Variants in CEP350 observed in about 807,000 individuals in gnomAD.
The protein encoded by CEP350 is centrosomal protein 350, also known as centrosome-associated protein 350.
In CEP350, 126 loss-of-function variants were observed where a neutral mutation model predicts 331.8. The ratio of observed to expected loss-of-function variants is 0.38; its 90% CI spans 0.33 to 0.44. The LOEUF is 0.44. Among genes scored for constraint, CEP350 ranks in the 20% least tolerant of loss-of-function variants. The pLI is 1.00. For synonymous variants in CEP350, 1,200 were observed against 1,259.5 expected, an observed-to-expected ratio of 0.95 and a Z score of 1.00; for missense variants, 3,406 against 3,634.6, an observed-to-expected ratio of 0.94 and a Z score of 1.62.
intron 30 of CEP350, among the ~76,000 whole-genome samples, chr1:180,081,148 G>A (rs1289538979): frequency 9.9e-5 from 15 of 152,086 alleles, no homozygotes; most frequent in African/African-American, 2.9e-4. Flanking sequence ...GATTACAGGC[G>A]TGAGCCACTG....
intron 25 of CEP350, among the ~76,000 whole-genome samples, chr1:180,056,024 G>A (rs547242693): frequency 3.0e-4 from 45 of 151,830 alleles, no homozygotes; most frequent in African/African-American, 1.0e-3. Context: ...CATTCTGTGG[G>A]GTTTCTTTTC....
chr1:179,997,197 C>G (rs766119851), intron 6 of CEP350, 22 bp downstream of exon 6: 1 of 1,584,646 alleles, frequency 6.3e-7, no homozygotes, highest in Non-Finnish European at 8.6e-7. Flanking sequence ...GTCTTTATAT[C>G]TTCCTCTCCC....
At chr1:180,048,859 A>C (rs1251619016) in intron 22 of CEP350, among the ~76,000 whole-genome samples, 154 bp downstream of exon 22, 3 of 152,188 alleles carry the variant, frequency 2.0e-5, no homozygotes, top group Admixed American at 1.3e-4. Flanking sequence ...GCTTGAGCCT[A>C]GGAGTTTGAA....
At chr1:180,081,039 T>C (rs1270617517) in intron 30 of CEP350, among the ~76,000 whole-genome samples, 2 of 151,764 alleles carry the variant, frequency 1.3e-5, no homozygotes, top group Admixed American at 1.3e-4. Context: ...TTTGTATTTT[T>C]TTTTTTTTAG....
chr1:180,001,964 A>G (rs948295879), intron 6 of CEP350, among the ~76,000 whole-genome samples: 2 of 152,238 alleles, frequency 1.3e-5, no homozygotes, highest in African/African-American at 4.8e-5. Context: ...ATGTGTTAAC[A>G]TACTATGTGG....
At position 180,041,765 on chromosome 1, in the gene CEP350, C is replaced by T; in HGVS notation, c.4325C>T (p.Ala1442Val). The T allele has an allele frequency of 6.2e-7, 1 of 1,612,988 alleles. No individual in the cohort carries two copies. Among genetic ancestry groups the T allele is most frequent in the East Asian group, 2.2e-5 (1 of 44,838 alleles). The change falls in exon 19 of 38, where the codon GCT (alanine) becomes GTT (valine). Residue 1442 changes from alanine (A) to valine (V), a missense_variant. Ala to Val is a moderately conservative substitution (Grantham distance 64). Around this residue, in one of 5 missense-constraint regions of CEP350, gnomAD observed 1,857 missense variants for 1,909.2 expected, o/e 0.97. Coordinates refer to ENST00000367607, the MANE Select transcript of CEP350 (RefSeq NM_014810.5). ...CKIAAQQSET[A>V]RLTTDAARQI... Reference sequence around the variant, plus strand: ...ATAGCAGCTCAGCAGTCAGAAACTGCTCGCCTCACCACAGACGCAGCACGT... The same window carrying T: ...ATAGCAGCTCAGCAGTCAGAAACTGTTCGCCTCACCACAGACGCAGCACGT...
intron 37 of CEP350, among the ~76,000 whole-genome samples, chr1:180,110,399 A>G (rs1661408820): frequency 6.6e-6 from 1 of 152,224 alleles, no homozygotes; most frequent in African/African-American, 2.4e-5. Flanking sequence ...AGCGAGCCAC[A>G]GCTTGCAGTC....
chr1:180,006,594 T>G (rs1373670925), intron 8 of CEP350, 27 bp downstream of exon 8: 2 of 1,079,380 alleles, frequency 1.9e-6, no homozygotes, highest in Non-Finnish European at 2.7e-6. Context: ...TGTCCATCCT[T>G]TTTTTTTGTT....
chr1:180,010,607 T>C (rs1654575918), intron 8 of CEP350, among the ~76,000 whole-genome samples: 1 of 147,494 alleles, frequency 6.8e-6, no homozygotes, highest in South Asian at 2.1e-4. Context: ...TCTTTCTTTC[T>C]TTTTTTTTTT....
At chr1:180,047,755 C>A (rs1438843119) in intron 21 of CEP350, among the ~76,000 whole-genome samples, 2 of 37,058 alleles carry the variant, frequency 5.4e-5, no homozygotes, top group Non-Finnish European at 5.8e-5. Context: ...AATGAAACTC[C>A]TCAAAAAAAA....
At chr1:180,085,382 T>C (rs1273782824) in intron 31 of CEP350, among the ~76,000 whole-genome samples, 1 of 152,198 alleles carries the variant, frequency 6.6e-6, no homozygotes, top group Admixed American at 6.5e-5. Flanking sequence ...TTCTTGTTTG[T>C]CCCTTTCCAT....
Position 180,020,413 on chromosome 1 carries a change from C to G in CEP350, c.2639C>G (p.Pro880Arg). Reference sequence around the variant, plus strand: ...CCTTGGACCAAGGCTGTAACTCCACCTGTGAAAGATGATAATGAAGATGTT... The same window carrying G: ...CCTTGGACCAAGGCTGTAACTCCACGTGTGAAAGATGATAATGAAGATGTT... ...DGPWTKAVTP[P>R]VKDDNEDVFS... Residue 880 changes from proline to arginine, a missense_variant, in exon 12 of 38, where the codon CCT becomes CGT. Coordinates refer to ENST00000367607, the MANE Select transcript of CEP350 (RefSeq NM_014810.5). 6.2e-7 allele frequency: 1 copy of G among 1,613,852 alleles called. No homozygotes were observed.
intron 34 of CEP350, 105 bp from the exon 35 acceptor site, chr1:180,095,418 A>G: frequency 5.5e-6 from 7 of 1,278,094 alleles, no homozygotes; most frequent in African/African-American, 3.0e-5. Flanking sequence ...TTACTTATAG[A>G]GAAATATTAG....
In CEP350 at chr1:180,014,466, T is replaced by TG; in HGVS notation, c.2014dup (p.Glu672GlyfsTer25). On this transcript the variant is annotated frameshift_variant, in exon 10 of 38. Transcript: ENST00000367607. LOFTEE classifies it high-confidence loss of function. ...AATTGCTACTAGAAAAGACCTTGCT[T>TG]GAAGAGCCATCTCATCAACATGTTA... 6.2e-7 allele frequency: 1 copy of TG among 1,609,380 alleles called. No homozygotes were observed. Among genetic ancestry groups the TG allele is most frequent in the Non-Finnish European group, 8.5e-7 (1 of 1,178,282 alleles).
At chr1:180,077,536 G>A (rs897177959) in intron 28 of CEP350, among the ~76,000 whole-genome samples, 2 of 150,926 alleles carry the variant, frequency 1.3e-5, no homozygotes, top group African/African-American at 4.9e-5. Context: ...GCATGGTGGC[G>A]CAGGCCTGTA....
chr1:180,105,874 A>G (rs556373033), intron 37 of CEP350, among the ~76,000 whole-genome samples: 1 of 152,344 alleles, frequency 6.6e-6, no homozygotes, highest in South Asian at 2.1e-4. Flanking sequence ...TCCCTAATCA[A>G]TCTAACTATA....
intron 24 of CEP350, 23 bp from the exon 25 acceptor site, chr1:180,054,392 T>A (rs1450492557): frequency 3.3e-6 from 5 of 1,528,044 alleles, no homozygotes; most frequent in Non-Finnish European, 3.6e-6. Flanking sequence ...AATCTTTGTC[T>A]CAATGAAAAA....
intron 1 of CEP350, among the ~76,000 whole-genome samples, chr1:179,959,591 C>T (rs969189864): frequency 1.3e-5 from 2 of 151,856 alleles, no homozygotes; most frequent in Non-Finnish European, 2.9e-5. Flanking sequence ...CCCATCTCTA[C>T]TAAAAGTAAA....
intron 37 of CEP350, among the ~76,000 whole-genome samples, chr1:180,104,044 A>G (rs1020441182): frequency 7.2e-6 from 1 of 139,172 alleles, no homozygotes; most frequent in Non-Finnish European, 1.5e-5. Context: ...TACAAAATAT[A>G]TACAAATATA....
Sources: gnomAD v4.1 joint callset for allele counts (sites outside exome capture counted in the v4.1 genomes callset) on GRCh38, gnomAD v4.1.1 for gene constraint, gnomAD v4.1.1 regional missense constraint, MANE v1.5 for transcripts, NCBI Gene and HGNC (gene_info 2026-07-23, HGNC 2026-07-21) for gene names.